The following LRP2 variants were observed in gnomAD, a reference collection of about 807,000 sequenced individuals.
The protein encoded by LRP2 is low-density lipoprotein receptor-related protein 2.
In LRP2, 172 loss-of-function variants were observed where a neutral mutation model predicts 531.0. That is an observed-to-expected ratio of 0.32 (90% CI 0.29 to 0.37). The LOEUF is 0.37. Ranked by LOEUF, LRP2 falls within the 10% of genes least tolerant of loss-of-function variation. LRP2 has a pLI of 1.00. For synonymous variants in LRP2, 1,992 were observed against 2,027.6 expected, an observed-to-expected ratio of 0.98 and a Z score of 0.47; for missense variants, 5,167 against 5,868.3, an observed-to-expected ratio of 0.88 and a Z score of 3.90.
intron 56 of LRP2, among the ~76,000 whole-genome samples, 174 bp downstream of exon 56, chr2:169,173,745 C>G (rs768385828): frequency 6.6e-6 from 1 of 152,214 alleles, no homozygotes; most frequent in Non-Finnish European, 1.5e-5. Context: ...TCTGGTTCCA[C>G]CTGCAAGCCA....
intron 1 of LRP2, among the ~76,000 whole-genome samples, chr2:169,349,950 G>T (rs1236926994): frequency 1.3e-5 from 2 of 152,304 alleles, no homozygotes; most frequent in Non-Finnish European, 2.9e-5. Context: ...GGGGTGCTGT[G>T]ATCTGACTGA....
Position 169,216,304 on chromosome 2 carries a change from A to T in LRP2, c.5775T>A (p.Thr1925=). 2 of 1,613,618 alleles carry T rather than the reference A, an allele frequency of 1.2e-6. No homozygotes were observed. The highest frequency in any genetic ancestry group is 1.7e-6 in the Non-Finnish European group (2 of 1,179,680). ...TGNLEHLECV[T]LDIEEQKLYW... Reference sequence around the variant, plus strand: ...AGAGTTTCTGCTCTTCGATGTCAAGAGTGACACACTCCAGGTGTTCGAGGT... The same window carrying T: ...AGAGTTTCTGCTCTTCGATGTCAAGTGTGACACACTCCAGGTGTTCGAGGT... Residue 1925 remains threonine, a synonymous_variant, in exon 35 of 79, where the codon ACT becomes ACA. Transcript: ENST00000649046.
chr2:169,330,707 C>T (rs1685241348), intron 1 of LRP2, among the ~76,000 whole-genome samples: 1 of 152,170 alleles, frequency 6.6e-6, no homozygotes, highest in Non-Finnish European at 1.5e-5. Flanking sequence ...TGCTCCCCCA[C>T]ATCACGGTGA....
At chr2:169,244,576 A>G in intron 22 of LRP2, 117 bp downstream of exon 22, 1 of 1,329,840 alleles carries the variant, frequency 7.5e-7, no homozygotes. Context: ...GTGGAATAGA[A>G]GTACTAAAGA....
At chr2:169,145,073 G>T (rs1228988768) in intron 70 of LRP2, among the ~76,000 whole-genome samples, 4 of 152,214 alleles carry the variant, frequency 2.6e-5, no homozygotes, top group Non-Finnish European at 1.5e-5. Context: ...GTCTTTATAA[G>T]GTTTGGGAGG....
At chr2:169,361,890 C>G (rs778899547) in intron 1 of LRP2, among the ~76,000 whole-genome samples, 2 of 152,210 alleles carry the variant, frequency 1.3e-5, no homozygotes, top group Admixed American at 6.5e-5. Context: ...GCGAAGGGAT[C>G]CCGGGAGGGG....
intron 1 of LRP2, among the ~76,000 whole-genome samples, chr2:169,329,349 C>T (rs1685204547): frequency 6.6e-6 from 1 of 152,108 alleles, no homozygotes; most frequent in Admixed American, 6.6e-5. Flanking sequence ...TCAAGACCAG[C>T]CTGGCCAACA....
At position 169,145,918 on chromosome 2, in the gene LRP2, T is replaced by C; in HGVS notation, c.12817A>G (p.Asn4273Asp). Residue 4273 changes from asparagine to aspartate, a missense_variant, in exon 70 of 79, where the codon AAC becomes GAC. Around this residue, in one of 6 missense-constraint regions of LRP2, gnomAD observed 564 missense variants for 747.7 expected, o/e 0.75. Transcript: ENST00000649046. ...TCAAAGATGTCCAGGCTGTAAGGGT[T>C]CATTGCTGCTTACCCACAGGGGAAA... Reference protein sequence around the residue: ...DRRVIAKEAMNPYSLDIFEDQ... With the variant: ...DRRVIAKEAMDPYSLDIFEDQ... 6.2e-7 allele frequency: 1 copy of C among 1,614,088 alleles called. No individual in the cohort carries two copies. The highest frequency in any genetic ancestry group is 8.5e-7 in the Non-Finnish European group (1 of 1,179,986).
chr2:169,328,441 T>TAAAAAAAAAAAAAAAA (rs537210492), intron 1 of LRP2, among the ~76,000 whole-genome samples: 4 of 49,114 alleles, frequency 8.1e-5, no homozygotes, highest in African/African-American at 7.4e-5. Context: ...CGGGCCGGGA[T>TAAAAAAAAAAAAAAAA]AAAAAAAAAA....
intron 1 of LRP2, among the ~76,000 whole-genome samples, chr2:169,352,941 A>G (rs896690195): frequency 1.1e-4 from 17 of 152,136 alleles, no homozygotes; most frequent in Non-Finnish European, 2.2e-4. Flanking sequence ...TAAAACCTAG[A>G]TGAAAGGTTG....
In LRP2 at chr2:169,181,596, C is replaced by T; in HGVS notation, c.10021G>A (p.Gly3341Ser). ...QYGYLYWADW[G>S]HRAYIGRVGM... ...ACTCTCCCAATGTATGCGCGGTGACCCCAGTCTGCCCAGTAGAGGTACCTG... is the reference window on the plus strand; with the variant it reads ...ACTCTCCCAATGTATGCGCGGTGACTCCAGTCTGCCCAGTAGAGGTACCTG... Residue 3341 changes from glycine (G) to serine (S), a missense_variant, in exon 52 of 79, where the codon GGT (glycine) becomes AGT (serine). Gly to Ser is a moderately conservative substitution (Grantham distance 56). This residue lies in a region of LRP2 where 1,129 missense variants were observed against 1,362.7 expected (regional missense o/e 0.83). Coordinates refer to ENST00000649046, the MANE Select transcript of LRP2 (RefSeq NM_004525.3). The T allele has an allele frequency of 6.2e-7, 1 of 1,614,012 alleles. No homozygotes were observed. The highest frequency in any genetic ancestry group is 8.5e-7 in the Non-Finnish European group (1 of 1,179,998).
At chr2:169,215,357 T>C (rs1164407728) in intron 35 of LRP2, among the ~76,000 whole-genome samples, 2 of 152,200 alleles carry the variant, frequency 1.3e-5, no homozygotes, top group Non-Finnish European at 2.9e-5. Flanking sequence ...ATAATTATTA[T>C]TGAGCATTGT....
intron 52 of LRP2, among the ~76,000 whole-genome samples, chr2:169,179,784 A>C (rs1314588578): frequency 7.3e-6 from 1 of 136,070 alleles, no homozygotes; most frequent in East Asian, 2.5e-4. Flanking sequence ...GCATCCCAAG[A>C]TGTACAAGGA....
chr2:169,219,981 T>C (rs1688930993), intron 34 of LRP2, among the ~76,000 whole-genome samples: 2 of 152,100 alleles, frequency 1.3e-5, no homozygotes. Flanking sequence ...GTTCCGGCTC[T>C]CCCCACAATC....
intron 17 of LRP2, among the ~76,000 whole-genome samples, chr2:169,258,276 G>A (rs577037965): frequency 1.3e-5 from 2 of 152,086 alleles, no homozygotes; most frequent in East Asian, 1.9e-4. Context: ...ATCTCACTGC[G>A]CCTTAGATTC....
rs114239660 is a variant in LRP2 at position 169,230,895 on chromosome 2, C to A, written c.5227+819G>T. On this transcript the variant is annotated intron_variant, in intron 31 of 78. Coordinates refer to ENST00000649046, the MANE Select transcript of LRP2 (RefSeq NM_004525.3). ...TCACTTGTAATATCTCATACCAACA[C>A]AATTCTCCTTCTTAAAGTATCAGAT... is the stretch of plus-strand genomic sequence containing the variant. 2.6e-3 allele frequency among the ~76,000 whole-genome samples: 395 copies of A among 152,304 alleles called. 5 individuals carry two copies. The highest frequency in any genetic ancestry group is 8.9e-3 in the African/African-American group (370 of 41,566).
intron 72 of LRP2, 151 bp downstream of exon 72, chr2:169,140,304 G>T (rs1435822657): frequency 2.9e-6 from 2 of 696,222 alleles, no homozygotes; most frequent in Non-Finnish European, 5.2e-6. Context: ...TCAGTTCTCT[G>T]TAGACTCCCT....
intron 34 of LRP2, among the ~76,000 whole-genome samples, chr2:169,216,909 T>C (rs908244042): frequency 3.9e-5 from 6 of 152,170 alleles, no homozygotes; most frequent in Non-Finnish European, 7.4e-5. Flanking sequence ...ATTTCTGTGA[T>C]GAAAAATGCA....
At chr2:169,310,464 G>A (rs1172609683) in intron 3 of LRP2, among the ~76,000 whole-genome samples, 3 of 152,086 alleles carry the variant, frequency 2.0e-5, no homozygotes, top group Non-Finnish European at 2.9e-5. Flanking sequence ...ATAATCATGT[G>A]GTTTTTGTCT....
Sources: allele counts gnomAD v4.1 joint callset (sites outside exome capture counted in the v4.1 genomes callset), GRCh38; gene constraint gnomAD v4.1.1; regional missense constraint gnomAD v4.1.1; transcripts MANE v1.5; gene names NCBI Gene and HGNC (gene_info 2026-07-23, HGNC 2026-07-21).